Variants in PLCG2 observed in about 807,000 individuals in gnomAD.
PLCG2 encodes the protein phospholipase C gamma 2, also known as 1-phosphatidylinositol 4,5-bisphosphate phosphodiesterase gamma-2.
Under a neutral mutation model 175.6 loss-of-function variants are expected in PLCG2, and 69 were observed. The observed-to-expected ratio is 0.39, with a 90% CI of 0.32 to 0.48. PLCG2 has a LOEUF of 0.48. PLCG2 is among the 20% of genes least tolerant of loss of function. PLCG2 has a pLI of 0.91. For missense variants in PLCG2, 1,798 were observed against 1,650.9 expected (o/e 1.09, Z -1.54); for synonymous variants, 827 against 624.0 (o/e 1.33, Z -4.85).
rs1909743810 is a variant in PLCG2, at chr16:81,748,333, T to C, written c.-144-7537T>C. On this transcript the variant is annotated intron_variant, in intron 1 of 5. Transcript: ENST00000565054. Reference sequence around the variant, plus strand: ...TGAACCTGGAAGGTGGAAGTTGCAGTAAGTCGAGATGGTGCCACTGTACTC... The same window carrying C: ...TGAACCTGGAAGGTGGAAGTTGCAGCAAGTCGAGATGGTGCCACTGTACTC... Among the ~76,000 whole-genome samples the C allele has an allele frequency of 2.0e-5, 3 of 151,774 alleles. No individual in the cohort carries two copies. In the South Asian group the frequency reaches 6.2e-4, roughly 31 times the overall value.
At chr16:81,908,045 T>G (rs1389889456) in intron 16 of PLCG2, among the ~76,000 whole-genome samples, 1 of 152,188 alleles carries the variant, frequency 6.6e-6, no homozygotes, top group African/African-American at 2.4e-5. Context: ...TGCTCTGGCT[T>G]GGTCCCATGC....
chr16:81,894,971 G>A (rs1375885719), intron 12 of PLCG2, among the ~76,000 whole-genome samples: 2 of 152,198 alleles, frequency 1.3e-5, no homozygotes, highest in African/African-American at 2.4e-5. Context: ...TGGAAGCAAC[G>A]TTTTGTAGCA....
At chr16:81,831,369 G>A (rs1905251587) in intron 2 of PLCG2, among the ~76,000 whole-genome samples, 2 of 152,212 alleles carry the variant, frequency 1.3e-5, no homozygotes, top group Non-Finnish European at 2.9e-5. Context: ...CCATCATCGT[G>A]AGAATCTGTG....
chr16:81,799,149 C>G (rs1014058451), intron 2 of PLCG2, among the ~76,000 whole-genome samples: 5 of 152,208 alleles, frequency 3.3e-5, no homozygotes, highest in African/African-American at 1.2e-4. Flanking sequence ...CTTTTTCCCC[C>G]TCATTATAGA....
intron 2 of PLCG2, among the ~76,000 whole-genome samples, chr16:81,797,202 G>T (rs545638529): frequency 8.7e-4 from 133 of 152,090 alleles, no homozygotes; most frequent in Non-Finnish European, 1.2e-3. Flanking sequence ...TGACAAGTCA[G>T]TGCAGGTCCA....
At chr16:81,745,909 T>C (rs1247500415) in intron 1 of PLCG2, among the ~76,000 whole-genome samples, 1 of 152,200 alleles carries the variant, frequency 6.6e-6, no homozygotes, top group East Asian at 1.9e-4. Context: ...CTGGCTGTCA[T>C]ACAGCGAACG....
intron 12 of PLCG2, among the ~76,000 whole-genome samples, chr16:81,895,002 C>A (rs1908814629): frequency 1.3e-5 from 2 of 152,202 alleles, no homozygotes. Flanking sequence ...AGACTTTCTT[C>A]CCGTTTATGA....
chr16:81,872,922 C>G (rs1034606892), intron 7 of PLCG2, among the ~76,000 whole-genome samples: 1 of 152,194 alleles, frequency 6.6e-6, no homozygotes, highest in Non-Finnish European at 1.5e-5. Flanking sequence ...TGTGGGCTGG[C>G]CACACAGTGA....
intron 2 of PLCG2, chr16:81,767,075 A>T (rs962106828): frequency 4.7e-5 from 7 of 148,490 alleles, no homozygotes; most frequent in African/African-American, 1.8e-4. Context: ...GATGTCATTC[A>T]TGCTGTTCCC....
intron 1 of PLCG2, among the ~76,000 whole-genome samples, chr16:81,784,190 T>C (rs1597316320): frequency 6.6e-6 from 1 of 151,568 alleles, no homozygotes; most frequent in Non-Finnish European, 1.5e-5. Flanking sequence ...TAGAGGGAGG[T>C]GGGGGCAAAG....
At chr16:81,739,669 C>G (rs778684562) in intron 1 of PLCG2, 2 of 152,288 alleles carry the variant, frequency 1.3e-5, no homozygotes, top group African/African-American at 4.8e-5. Flanking sequence ...AGCACGTGGA[C>G]TTGGAGCCAG....
At chr16:81,790,149 G>A (rs1245901472) in intron 2 of PLCG2, among the ~76,000 whole-genome samples, 1 of 152,212 alleles carries the variant, frequency 6.6e-6, no homozygotes, top group Non-Finnish European at 1.5e-5. Context: ...CATTGGAGAG[G>A]CTCGGCTGAA....
At chr16:81,838,266 T>C (rs1905630650) in intron 2 of PLCG2, among the ~76,000 whole-genome samples, 1 of 152,068 alleles carries the variant, frequency 6.6e-6, no homozygotes, top group Non-Finnish European at 1.5e-5. Context: ...TTTATATTTT[T>C]AGTAGAGATG....
rs565575210 is a variant in PLCG2, at chr16:81,800,980, G to A, written c.193+14798G>A. Among the ~76,000 whole-genome samples, 12 of 152,246 alleles carry A rather than the reference G, an allele frequency of 7.9e-5. No homozygotes were observed. In the South Asian group the frequency reaches 8.3e-4, roughly 11 times the overall value. On this transcript the variant is annotated intron_variant, in intron 2 of 32. Transcript: ENST00000564138. The stretch of plus-strand genomic sequence containing the variant: ...AGGGGCCATGAATCAAGGAATGCAG[G>A]TGGCTTGTGCAAGCTGGAAAAGGCA...
intron 13 of PLCG2, chr16:81,897,919 A>T (rs1258819856): frequency 4.4e-6 from 2 of 452,582 alleles, no homozygotes; most frequent in South Asian, 3.1e-5. Flanking sequence ...AGACAATGAA[A>T]TTATGGACGT....
At chr16:81,906,704 G>A (rs1439978224) in intron 15 of PLCG2, among the ~76,000 whole-genome samples, 7 of 152,184 alleles carry the variant, frequency 4.6e-5, no homozygotes, top group African/African-American at 1.7e-4. Flanking sequence ...GATTACTGGC[G>A]TGGGCCACTG....
chr16:81,925,713 C>A (rs1370330045), intron 22 of PLCG2, among the ~76,000 whole-genome samples: 1 of 152,088 alleles, frequency 6.6e-6, no homozygotes, highest in African/African-American at 2.4e-5. Flanking sequence ...CCTGGTAAAA[C>A]CCTGTCTCTA....
At chr16:81,936,669 C>T (rs771387030) in intron 27 of PLCG2, among the ~76,000 whole-genome samples, 2 of 152,208 alleles carry the variant, frequency 1.3e-5, no homozygotes, top group Non-Finnish European at 2.9e-5. Flanking sequence ...GTAATTAAAG[C>T]ATCTTTGGAG....
intron 2 of PLCG2, among the ~76,000 whole-genome samples, chr16:81,827,591 G>A (rs1905095014): frequency 6.6e-6 from 1 of 152,118 alleles, no homozygotes; most frequent in South Asian, 2.1e-4. Flanking sequence ...AAGAGAAGCA[G>A]GTTGTATCTA....
Sources: gnomAD v4.1 joint callset for allele counts (sites outside exome capture counted in the v4.1 genomes callset) on GRCh38, gnomAD v4.1.1 for gene constraint, MANE v1.5 for transcripts, NCBI Gene and HGNC (gene_info 2026-07-23, HGNC 2026-07-21) for gene names.